The following ADGRB3 variants were observed in gnomAD, a reference collection of about 807,000 sequenced individuals.
The protein encoded by ADGRB3 is adhesion G protein-coupled receptor B3.
In ADGRB3, 37 loss-of-function variants were observed where a neutral mutation model predicts 193.4. The ratio of observed to expected loss-of-function variants is 0.19; its 90% confidence interval spans 0.15 to 0.25. The LOEUF is 0.25. Ranked by LOEUF, ADGRB3 falls within the 10% of genes least tolerant of loss-of-function variation. ADGRB3 has a pLI of 1.00. For synonymous variants in ADGRB3, 690 were observed against 644.2 expected, an observed-to-expected ratio of 1.07 and a Z score of -1.08; for missense variants, 1,637 against 1,852.9, an observed-to-expected ratio of 0.88 and a Z score of 2.14.
At chr6:69,271,309 G>T (rs537498782) in intron 20 of ADGRB3, among the ~76,000 whole-genome samples, 1 of 152,174 alleles carries the variant, frequency 6.6e-6, no homozygotes, top group South Asian at 2.1e-4. Context: ...TTTTGTATCA[G>T]GTGGCTGAGT....
At chr6:68,796,269 A>AT (rs1222389963) in intron 3 of ADGRB3, among the ~76,000 whole-genome samples, 5 of 151,854 alleles carry the variant, frequency 3.3e-5, no homozygotes, top group African/African-American at 1.2e-4. Context: ...TTATCAACAT[A>AT]TTTTTTTATA....
intron 17 of ADGRB3, among the ~76,000 whole-genome samples, chr6:69,144,226 T>C (rs968339558): frequency 2.0e-5 from 3 of 152,226 alleles, no homozygotes; most frequent in Non-Finnish European, 2.9e-5. Flanking sequence ...ATAGAAGTGC[T>C]ACTGATTGTT....
chr6:69,361,654 C>A, intron 29 of ADGRB3, 142 bp downstream of exon 29: 2 of 1,038,588 alleles, frequency 1.9e-6, no homozygotes, highest in Non-Finnish European at 2.7e-6. Flanking sequence ...AGTTTTGTAT[C>A]ATGAAAATTT....
chr6:69,205,771 A>G (rs1199366584), intron 17 of ADGRB3, among the ~76,000 whole-genome samples: 4 of 151,742 alleles, frequency 2.6e-5, no homozygotes, highest in South Asian at 2.1e-4. Context: ...AACCCTCATG[A>G]CTGAATCATG....
intron 23 of ADGRB3, chr6:69,332,636 A>G (rs1768754746): frequency 4.1e-6 from 4 of 985,358 alleles, no homozygotes; most frequent in African/African-American, 3.5e-5. Flanking sequence ...CCAGATTGGC[A>G]TAGTATGGTA....
In ADGRB3 at chr6:69,223,712, A is replaced by G. The variant is rs1175640781; in HGVS notation, c.2481-9578A>G. Among the ~76,000 whole-genome samples, 3 of 129,536 alleles carry G rather than the reference A, an allele frequency of 2.3e-5. No individual in the cohort carries two copies. The Admixed American group carries it at 2.9e-4, about 12-fold the overall frequency. The allele number at this position is 129,536 out of a possible 152,430, so 85.0% of individuals were successfully genotyped here. A position where few individuals can be genotyped will look rare whatever the true frequency, so the allele number is the denominator to read the frequency against. ...CTTTGTCACTCAGGGGCTGGTATGC[A>G]GTGGCATGATCTCAGCTCACTGCAC... On this transcript the variant is annotated intron_variant, in intron 17 of 31. Transcript: ENST00000370598.
At chr6:69,051,950 A>T (rs1212322782) in intron 15 of ADGRB3, among the ~76,000 whole-genome samples, 1 of 152,104 alleles carries the variant, frequency 6.6e-6, no homozygotes, top group Non-Finnish European at 1.5e-5. Context: ...GCTGGAGTGC[A>T]GTGGCGCGAT....
chr6:68,883,906 G>A (rs1162170322), intron 3 of ADGRB3, among the ~76,000 whole-genome samples: 1 of 152,130 alleles, frequency 6.6e-6, no homozygotes, highest in African/African-American at 2.4e-5. Flanking sequence ...AATTAAAATT[G>A]GAATTAATAA....
intron 3 of ADGRB3, among the ~76,000 whole-genome samples, chr6:68,814,040 A>T (rs1277567634): frequency 6.6e-6 from 1 of 152,198 alleles, no homozygotes; most frequent in Non-Finnish European, 1.5e-5. Flanking sequence ...TCTTTATAGC[A>T]GCATGATTTA....
chr6:68,704,968 TA>T (rs1347308000), intron 3 of ADGRB3, among the ~76,000 whole-genome samples: 1 of 152,206 alleles, frequency 6.6e-6, no homozygotes, highest in Non-Finnish European at 1.5e-5. Flanking sequence ...ACTGGGAAAA[TA>T]TTTTTTAAAT....
At chr6:69,310,577 C>T (rs745921112) in intron 20 of ADGRB3, among the ~76,000 whole-genome samples, 5 of 151,648 alleles carry the variant, frequency 3.3e-5, no homozygotes, top group Non-Finnish European at 4.4e-5. Context: ...AATGTAAATT[C>T]AAAATTGGAA....
At chr6:69,029,992 AC>A (rs2150292423) in intron 13 of ADGRB3, among the ~76,000 whole-genome samples, 1 of 151,662 alleles carries the variant, frequency 6.6e-6, no homozygotes, top group Non-Finnish European at 1.5e-5. Context: ...ACACACACAC[AC>A]ACACACACAC....
intron 17 of ADGRB3, among the ~76,000 whole-genome samples, chr6:69,204,423 G>A (rs978975571): frequency 4.6e-5 from 7 of 152,092 alleles, no homozygotes; most frequent in Admixed American, 2.6e-4. Context: ...AGTGTCTTCA[G>A]TTGTTTCTTG....
intron 3 of ADGRB3, among the ~76,000 whole-genome samples, chr6:68,835,901 T>G (rs482005): frequency 0.21 from 32,618 of 152,054 alleles, 4,049 homozygotes; most frequent in East Asian, 0.58. Flanking sequence ...AGAACAATGT[T>G]GGGATATAAG....
chr6:68,779,624 C>G (rs1041539395), intron 3 of ADGRB3, among the ~76,000 whole-genome samples: 1 of 152,082 alleles, frequency 6.6e-6, no homozygotes, highest in African/African-American at 2.4e-5. Context: ...AAGAATGGAG[C>G]TTTTCATATG....
At chr6:68,720,848 C>A (rs1424581123) in intron 3 of ADGRB3, among the ~76,000 whole-genome samples, 1 of 151,734 alleles carries the variant, frequency 6.6e-6, no homozygotes, top group Non-Finnish European at 1.5e-5. Context: ...TGTTACCTTT[C>A]AGAGTCTGCA....
chr6:68,740,086 T>C (rs1426663203), intron 3 of ADGRB3, among the ~76,000 whole-genome samples: 1 of 152,212 alleles, frequency 6.6e-6, no homozygotes, highest in African/African-American at 2.4e-5. Context: ...TCAGTTATTT[T>C]ATACTTGATT....
At chr6:68,981,251 C>T (rs961863284) in intron 10 of ADGRB3, among the ~76,000 whole-genome samples, 1 of 151,548 alleles carries the variant, frequency 6.6e-6, no homozygotes, top group African/African-American at 2.4e-5. Context: ...TATTCAGAAC[C>T]TATCTGTTAG....
At chr6:68,965,774 A>G (rs1768364743) in intron 8 of ADGRB3, among the ~76,000 whole-genome samples, 1 of 152,144 alleles carries the variant, frequency 6.6e-6, no homozygotes, top group African/African-American at 2.4e-5. Context: ...CAAAGTTACT[A>G]TTCCTTTTAG....
Sources: allele counts gnomAD v4.1 joint callset (sites outside exome capture counted in the v4.1 genomes callset), GRCh38; gene constraint gnomAD v4.1.1; transcripts MANE v1.5; gene names NCBI Gene and HGNC (gene_info 2026-07-23, HGNC 2026-07-21).